NOL9: variants seen among roughly 807,000 people sequenced by gnomAD.
The protein encoded by NOL9 is polynucleotide 5'-hydroxyl-kinase NOL9.
A neutral mutation model predicts 67.9 loss-of-function variants in NOL9; 28 were observed. That is an observed-to-expected ratio of 0.41 (90% CI 0.31 to 0.57). The LOEUF (loss-of-function observed/expected upper bound fraction) is 0.57, where lower values mean the gene tolerates loss of function less well. Among genes scored for constraint, NOL9 ranks in the 20% least tolerant of loss-of-function variants. The probability of loss-of-function intolerance (pLI) is 0.25; values close to 1 mark genes in which losing one functional copy is unlikely to be tolerated. For synonymous variants in NOL9, 356 were observed against 352.2 expected, an observed-to-expected ratio of 1.01 and a Z score of -0.12; for missense variants, 777 against 897.0, an observed-to-expected ratio of 0.87 and a Z score of 1.71.
In NOL9 at chr1:6,549,776, G is replaced by A. The variant is rs144033566; in HGVS notation, c.617-78C>T. On this transcript the variant is annotated intron_variant, in intron 2 of 11. Transcript: ENST00000377705. ...CGCCCTTTAGGACTGCCATCTCCTC[G>A]GCTAAACTATAAACATTAGGAGAGT... 3,531 of 1,552,970 alleles carry A rather than the reference G, an allele frequency of 2.3e-3. 23 individuals carry two copies. The highest frequency in any genetic ancestry group is 7.0e-3 in the Middle Eastern group (41 of 5,828).
chr1:6,550,341 T>A (rs1182201527), intron 2 of NOL9, 55 bp downstream of exon 2: 21 of 1,511,908 alleles, frequency 1.4e-5, no homozygotes, highest in Non-Finnish European at 1.9e-5. Flanking sequence ...CTAAAAATTA[T>A]GAATTAGCCT....
intron 1 of NOL9, among the ~76,000 whole-genome samples, chr1:6,552,107 G>A (rs530715727): frequency 5.3e-5 from 8 of 152,318 alleles, no homozygotes; most frequent in African/African-American, 1.9e-4. Flanking sequence ...GAGAACACAT[G>A]GATACATGGT....
In NOL9 at chr1:6,531,997, A is replaced by G. The variant is rs766157053; in HGVS notation, c.1618T>C (p.Ser540Pro). 1.2e-6 allele frequency: 2 copies of G among 1,614,084 alleles called. No homozygotes were observed. Among genetic ancestry groups the G allele is most frequent in the South Asian group, 1.1e-5 (1 of 91,080 alleles). The change falls in exon 9 of 12, where the codon TCT becomes CCT. Residue 540 changes from serine to proline, a missense_variant. This residue lies in a region of NOL9 where 413 missense variants were observed against 552.6 expected (regional missense o/e 0.75). Coordinates refer to ENST00000377705, the MANE Select transcript of NOL9 (RefSeq NM_024654.5). ...TAGGGTGTCAGGCTATGTAAAGGAGAAAGTGGTTTGGGCATCGGGGGCTGC... is the reference window on the plus strand; with the variant it reads ...TAGGGTGTCAGGCTATGTAAAGGAGGAAGTGGTTTGGGCATCGGGGGCTGC... ...QLQPPMPKPL[S>P]PLHSLTPYQV...
rs145286153 is a variant in NOL9, at chr1:6,552,317, C to T, written c.397-1702G>A. On this transcript the variant is annotated intron_variant, in intron 1 of 11. Coordinates refer to ENST00000377705, the MANE Select transcript of NOL9 (RefSeq NM_024654.5). Reference sequence around the variant, plus strand: ...CTGGGATTACAGGCGTGAGCCACCACACCCGGCCGATATTTGATTTTCTGT... The same window carrying T: ...CTGGGATTACAGGCGTGAGCCACCATACCCGGCCGATATTTGATTTTCTGT... 8.7e-3 allele frequency among the ~76,000 whole-genome samples: 1,284 copies of T among 148,152 alleles called. 16 individuals carry two copies. Among genetic ancestry groups the T allele is most frequent in the African/African-American group, 0.031 (1,229 of 40,214 alleles).
intron 6 of NOL9, among the ~76,000 whole-genome samples, chr1:6,534,632 G>A (rs1168851268): frequency 1.3e-5 from 2 of 152,164 alleles, no homozygotes; most frequent in South Asian, 2.1e-4. Context: ...AGAGAAGACT[G>A]AGCAAATATG....
chr1:6,554,400 G>A lies in NOL9; in HGVS notation c.103C>T (p.Arg35Cys). The A allele has an allele frequency of 6.7e-7, 1 of 1,498,008 alleles. No homozygotes were observed. The allele number at this position is 1,498,008 out of a possible 1,614,324, so 92.8% of individuals were successfully genotyped here. A position where few individuals can be genotyped will look rare whatever the true frequency, so the allele number is the denominator to read the frequency against. The change falls in exon 1 of 12, where the codon CGC (arginine) becomes TGC (cysteine). Residue 35 changes from arginine to cysteine, a missense_variant. By Grantham distance (180) the Arg-to-Cys change is radical. Coordinates refer to ENST00000377705, the MANE Select transcript of NOL9 (RefSeq NM_024654.5). ...PQLILSRRPR[R>C]RLGSLRWCGR... ...CACCAGCGCAGGCTCCCGAGCCGGC[G>A]GCGGGGCCGGCGGCTGAGGATGAGC...
At chr1:6,552,782 T>A (rs1350727176) in intron 1 of NOL9, among the ~76,000 whole-genome samples, 1 of 152,154 alleles carries the variant, frequency 6.6e-6, no homozygotes, top group African/African-American at 2.4e-5. Context: ...CTCTTTTCCT[T>A]TTCCTTTCTT....
intron 6 of NOL9, among the ~76,000 whole-genome samples, chr1:6,534,698 C>A (rs1461870834): frequency 6.6e-6 from 1 of 152,180 alleles, no homozygotes. Context: ...AACCAACTTA[C>A]AAATATGAAA....
At chr1:6,529,416 T>C (rs1430530802) in intron 9 of NOL9, among the ~76,000 whole-genome samples, 2 of 151,620 alleles carry the variant, frequency 1.3e-5, no homozygotes, top group African/African-American at 4.8e-5. Flanking sequence ...TGGTGAAACC[T>C]TGTCTCTACA....
chr1:6,554,098 C>A lies in NOL9; in HGVS notation c.396+9G>T, dbSNP rs1639610589. On this transcript the variant is annotated intron_variant, in intron 1 of 11. Coordinates refer to ENST00000377705, the MANE Select transcript of NOL9 (RefSeq NM_024654.5). Reference sequence around the variant, plus strand: ...CCCTCGGGGACTACTACCGGCGCCCCCCACCTACCTGCTCGACCGGCAGCA... The same window carrying A: ...CCCTCGGGGACTACTACCGGCGCCCACCACCTACCTGCTCGACCGGCAGCA... 3 of 1,519,886 alleles carry A rather than the reference C, an allele frequency of 2.0e-6. No homozygotes were observed. Among genetic ancestry groups the A allele is most frequent in the South Asian group, 1.2e-5 (1 of 82,390 alleles). The allele number at this position is 1,519,886 out of a possible 1,614,324, so 94.1% of individuals were successfully genotyped here. A position where few individuals can be genotyped will look rare whatever the true frequency, so the allele number is the denominator to read the frequency against.
At chr1:6,541,776 C>T in intron 6 of NOL9, 54 bp downstream of exon 6, 1 of 1,082,752 alleles carries the variant, frequency 9.2e-7, no homozygotes. Context: ...TTGTTAGCAT[C>T]ATCACATATG....
At chr1:6,538,719 A>C (rs956232885) in intron 6 of NOL9, among the ~76,000 whole-genome samples, 2 of 151,388 alleles carry the variant, frequency 1.3e-5, no homozygotes, top group African/African-American at 4.9e-5. Flanking sequence ...GTGGTGGCTC[A>C]TGCCTGTAAT....
chr1:6,529,693 A>G (rs1001998101), intron 9 of NOL9, among the ~76,000 whole-genome samples: 3 of 152,210 alleles, frequency 2.0e-5, no homozygotes, highest in African/African-American at 7.2e-5. Context: ...TGGGAGGCCA[A>G]GGTGGGTTGA....
At chr1:6,549,777 G>A (rs1007672791) in intron 2 of NOL9, 79 bp from the exon 3 acceptor site, 1 of 1,552,286 alleles carries the variant, frequency 6.4e-7, no homozygotes, top group Non-Finnish European at 8.8e-7. Flanking sequence ...CATCTCCTCG[G>A]CTAAACTATA....
chr1:6,550,928 C>T (rs1329926016), intron 1 of NOL9, among the ~76,000 whole-genome samples: 1 of 152,160 alleles, frequency 6.6e-6, no homozygotes, highest in Non-Finnish European at 1.5e-5. Flanking sequence ...GGTGATCCAT[C>T]CACCTCGGCC....
At chr1:6,529,430 AAC>A (rs1033898296) in intron 9 of NOL9, among the ~76,000 whole-genome samples, 24 of 152,130 alleles carry the variant, frequency 1.6e-4, no homozygotes, top group African/African-American at 5.3e-4. Flanking sequence ...CTCTACAAAA[AAC>A]ACAAAATTAG....
At chr1:6,530,107 AAGAG>A (rs951792453) in intron 9 of NOL9, among the ~76,000 whole-genome samples, 2 of 152,110 alleles carry the variant, frequency 1.3e-5, no homozygotes, top group African/African-American at 4.8e-5. Context: ...ACCTAGGTGA[AAGAG>A]AGAGACTCTG....
Position 6,525,636 on chromosome 1 carries a change from G to T in NOL9, c.*218C>A. ...CTGTTTTACTCCCTCTGGACAGCAA[G>T]TATGAGTATCACACAGAAGACTAGA... On this transcript the variant is annotated 3_prime_UTR_variant, in exon 12 of 12. Coordinates refer to ENST00000377705, the MANE Select transcript of NOL9 (RefSeq NM_024654.5). 1.7e-6 allele frequency: 1 copy of T among 576,024 alleles called. No individual in the cohort carries two copies. Among genetic ancestry groups the T allele is most frequent in the Non-Finnish European group, 3.1e-6 (1 of 324,442 alleles). The allele number at this position is 576,024 out of a possible 1,614,324, so 35.7% of individuals were successfully genotyped here.
At chr1:6,552,538 T>C (rs1639565719) in intron 1 of NOL9, among the ~76,000 whole-genome samples, 1 of 152,038 alleles carries the variant, frequency 6.6e-6, no homozygotes, top group South Asian at 2.1e-4. Context: ...TTCTCCTGCC[T>C]CTGCCTCCAG....
Sources: gnomAD v4.1 joint callset for allele counts (sites outside exome capture counted in the v4.1 genomes callset) on GRCh38, gnomAD v4.1.1 for gene constraint, gnomAD v4.1.1 regional missense constraint, MANE v1.5 for transcripts, NCBI Gene and HGNC (gene_info 2026-07-23, HGNC 2026-07-21) for gene names.